The following CLYBL variants were observed in gnomAD, a reference collection of about 807,000 sequenced individuals.
CLYBL encodes the protein citramalyl-CoA lyase, also known as citramalyl-CoA lyase, mitochondrial.
Under a neutral mutation model 38.9 loss-of-function variants are expected in CLYBL, and 31 were observed. That is an observed-to-expected ratio of 0.80 (90% confidence interval 0.60 to 1.08). The LOEUF (loss-of-function observed/expected upper bound fraction) is 1.08. CLYBL is among the 50% of genes least tolerant of loss of function. The pLI, the probability that CLYBL is intolerant of heterozygous loss-of-function variation, is 0.00. For missense variants in CLYBL, 434 were observed against 411.6 expected (o/e 1.05, Z -0.47); for synonymous variants, 171 against 158.6 (o/e 1.08, Z -0.59).
intron 1 of CLYBL, among the ~76,000 whole-genome samples, chr13:99,617,691 A>G (rs1216640437): frequency 1.3e-5 from 2 of 152,252 alleles, no homozygotes; most frequent in Non-Finnish European, 2.9e-5. Flanking sequence ...TGAAAGACAC[A>G]TGGATGGTAG....
At chr13:99,905,737 A>T (rs1191571944) in intron 9 of CLYBL, among the ~76,000 whole-genome samples, 1 of 139,018 alleles carries the variant, frequency 7.2e-6, no homozygotes, top group Non-Finnish European at 1.6e-5. Flanking sequence ...TTTTTTTTAG[A>T]TCAAACATGT....
At chr13:99,701,147 T>A (rs1162778781) in intron 1 of CLYBL, among the ~76,000 whole-genome samples, 1 of 152,142 alleles carries the variant, frequency 6.6e-6, no homozygotes. Flanking sequence ...CTAAATAATC[T>A]CTGTGACCAA....
At chr13:99,840,994 C>A (rs1201850238) in intron 2 of CLYBL, among the ~76,000 whole-genome samples, 2 of 152,064 alleles carry the variant, frequency 1.3e-5, no homozygotes, top group Non-Finnish European at 2.9e-5. Context: ...GGAATGTGGT[C>A]ACATTCCATA....
intron 7 of CLYBL, among the ~76,000 whole-genome samples, chr13:99,880,256 G>C (rs1176570199): frequency 6.6e-6 from 1 of 151,568 alleles, no homozygotes; most frequent in Admixed American, 6.6e-5. Flanking sequence ...GTAGAGACGG[G>C]GTTTCACCAT....
At chr13:99,686,470 G>A (rs1184483142) in intron 1 of CLYBL, among the ~76,000 whole-genome samples, 3 of 151,966 alleles carry the variant, frequency 2.0e-5, no homozygotes, top group African/African-American at 7.3e-5. Flanking sequence ...AGACACTCTC[G>A]AGGCCAGGAG....
intron 1 of CLYBL, among the ~76,000 whole-genome samples, chr13:99,669,599 G>A (rs2047534870): frequency 6.6e-6 from 1 of 152,158 alleles, no homozygotes; most frequent in Non-Finnish European, 1.5e-5. Context: ...CCTCTGAAAA[G>A]ATTTCTTAGT....
chr13:99,694,133 T>A (rs1171828312), intron 1 of CLYBL, among the ~76,000 whole-genome samples: 1 of 152,226 alleles, frequency 6.6e-6, no homozygotes, highest in Non-Finnish European at 1.5e-5. Context: ...CTGTGAGGCA[T>A]TTCAGTGGTC....
At position 99,748,734 on chromosome 13, in the gene CLYBL, C is replaced by T. The variant is rs1015443845; in HGVS notation, c.63-24090C>T. Among the ~76,000 whole-genome samples, 11 of 152,034 alleles carry T rather than the reference C, an allele frequency of 7.2e-5. No homozygotes were observed. In the South Asian group the frequency reaches 1.0e-3, roughly 14 times the overall value. On this transcript the variant is annotated intron_variant, in intron 1 of 8. Coordinates refer to ENST00000339105, the MANE Select transcript of CLYBL (RefSeq NM_206808.5). Reference sequence around the variant, plus strand: ...AATTACAGGCATGAGCCACCGCGCACGGCCTCTAGTTTCTATCTGTATGAA... The same window carrying T: ...AATTACAGGCATGAGCCACCGCGCATGGCCTCTAGTTTCTATCTGTATGAA...
intron 1 of CLYBL, among the ~76,000 whole-genome samples, chr13:99,676,244 C>A (rs1427116835): frequency 6.9e-6 from 1 of 144,590 alleles, no homozygotes; most frequent in Non-Finnish European, 1.5e-5. Flanking sequence ...TTCCTTTCCT[C>A]CCTTTCTTTT....
At chr13:99,715,346 C>T (rs1449750078) in intron 1 of CLYBL, among the ~76,000 whole-genome samples, 1 of 152,162 alleles carries the variant, frequency 6.6e-6, no homozygotes, top group East Asian at 1.9e-4. Flanking sequence ...ACTTCCTTTG[C>T]CCTTTTGGAA....
chr13:99,733,118 A>G (rs1471710481), intron 1 of CLYBL, among the ~76,000 whole-genome samples: 1 of 152,176 alleles, frequency 6.6e-6, no homozygotes, highest in East Asian at 1.9e-4. Context: ...TCCTAAAATC[A>G]TGGCTCTTGA....
At chr13:99,696,879 C>A (rs1204653235) in intron 1 of CLYBL, among the ~76,000 whole-genome samples, 2 of 152,124 alleles carry the variant, frequency 1.3e-5, no homozygotes, top group Non-Finnish European at 2.9e-5. Flanking sequence ...AAGGAAATAT[C>A]TGTAGACAGT....
intron 1 of CLYBL, among the ~76,000 whole-genome samples, chr13:99,615,517 C>G (rs2793761): frequency 0.85 from 129,031 of 152,208 alleles, 54,801 homozygotes; most frequent in Middle Eastern, 0.91. Context: ...TTACACAATT[C>G]CTCATTAATT....
At chr13:99,882,035 C>A (rs1358714549) in intron 7 of CLYBL, among the ~76,000 whole-genome samples, 1 of 152,062 alleles carries the variant, frequency 6.6e-6, no homozygotes. Flanking sequence ...GTATTTTTAG[C>A]CTCATCTTAT....
At chr13:99,840,641 C>A (rs1281884695) in intron 2 of CLYBL, among the ~76,000 whole-genome samples, 1 of 149,794 alleles carries the variant, frequency 6.7e-6, no homozygotes, top group Non-Finnish European at 1.5e-5. Flanking sequence ...TCCCAGCTAC[C>A]TGGAAGGCTG....
At position 99,793,523 on chromosome 13, in the gene CLYBL, A is replaced by T. The variant is rs540919641; in HGVS notation, c.249+20513A>T. 1.2e-4 allele frequency among the ~76,000 whole-genome samples: 18 copies of T among 152,322 alleles called. 1 individual carries two copies. The highest frequency in any genetic ancestry group is 1.1e-3 in the Admixed American group (17 of 15,294). On this transcript the variant is annotated intron_variant, in intron 2 of 8. Transcript: ENST00000339105. ...AGTAGTAAAGTGTTTTCAGTCTTTT[A>T]TTAATCTCTTCATACCCTTAAATAA...
intron 6 of CLYBL, among the ~76,000 whole-genome samples, chr13:99,866,829 CTTTGG>C (rs1015000724): frequency 3.3e-4 from 50 of 152,052 alleles, no homozygotes; most frequent in African/African-American, 1.2e-3. Context: ...GTGATATTGT[CTTTGG>C]TTTTTGTTTT....
intron 3 of CLYBL, 32 bp from the exon 4 acceptor site, chr13:99,862,959 C>A: frequency 7.8e-7 from 1 of 1,276,380 alleles, no homozygotes; most frequent in Non-Finnish European, 1.1e-6. Context: ...CATTTTTTCC[C>A]CACTAATCAC....
At chr13:99,898,152 G>C (rs1265882042), downstream of CLYBL, among the ~76,000 whole-genome samples, 2 of 152,200 alleles carry the variant, frequency 1.3e-5, no homozygotes, top group African/African-American at 4.8e-5. Flanking sequence ...TCAGTGACAA[G>C]AAACTGGATT....
Sources: gnomAD v4.1 joint callset for allele counts (sites outside exome capture counted in the v4.1 genomes callset) on GRCh38, gnomAD v4.1.1 for gene constraint, MANE v1.5 for transcripts, NCBI Gene and HGNC (gene_info 2026-07-23, HGNC 2026-07-21) for gene names.